PCDHGA4: variants seen among roughly 807,000 people sequenced by gnomAD.
The protein encoded by PCDHGA4 is protocadherin gamma-A4.
A neutral mutation model predicts 54.6 loss-of-function variants in PCDHGA4; 38 were observed. That is an observed-to-expected ratio of 0.70 (90% CI 0.54 to 0.91). The LOEUF (loss-of-function observed/expected upper bound fraction) is 0.91, where lower values mean the gene tolerates loss of function less well. Among genes scored for constraint, PCDHGA4 ranks in the 40% least tolerant of loss-of-function variants. The pLI is 0.00. For synonymous variants in PCDHGA4, 511 were observed against 512.9 expected (o/e 1.00, Z 0.05); for missense variants, 1,298 against 1,220.9 (o/e 1.06, Z -0.94).
chr5:141,387,929 A>C, intron 1 of PCDHGA4: 1 of 1,235,330 alleles, frequency 8.1e-7, no homozygotes, highest in Non-Finnish European at 1.1e-6. Flanking sequence ...AGAGGCTGCC[A>C]GTGCTCTTTC....
At chr5:141,375,185 C>G in intron 1 of PCDHGA4, 1 of 1,613,948 alleles carries the variant, frequency 6.2e-7, no homozygotes, top group Non-Finnish European at 8.5e-7. Context: ...AGTAATCGCC[C>G]TTTTTCAAGT....
At chr5:141,358,557 C>T (rs1760945843) in intron 1 of PCDHGA4, among the ~76,000 whole-genome samples, 1 of 152,182 alleles carries the variant, frequency 6.6e-6, no homozygotes, top group Non-Finnish European at 1.5e-5. Context: ...TTCTGAGATG[C>T]ACCAGAAGTG....
chr5:141,403,241 G>C, intron 1 of PCDHGA4: 1 of 1,613,956 alleles, frequency 6.2e-7, no homozygotes. Flanking sequence ...GGAGCTCTGT[G>C]CTCAGAGCCC....
chr5:141,362,714 C>A, intron 1 of PCDHGA4: 1 of 916,366 alleles, frequency 1.1e-6, no homozygotes, highest in Non-Finnish European at 1.6e-6. Context: ...AGTGTTTTCT[C>A]TCTGAAGTGT....
chr5:141,477,268 C>A lies in PCDHGA4; in HGVS notation c.2515-17539C>A, dbSNP rs2099408532. On this transcript the variant is annotated intron_variant, in intron 1 of 3. Transcript: ENST00000571252. This position sits in a 1 kb window ranked among gnomAD's most constrained non-coding sequence, Gnocchi z 4.9. ...TGACTGACCTGGATGCTGGCGAGAA[C>A]GGGCTGGTGACCTGCGAAGTTCCAC... 1.2e-6 allele frequency: 2 copies of A among 1,614,078 alleles called. No individual in the cohort carries two copies. Among genetic ancestry groups the A allele is most frequent in the Non-Finnish European group, 1.7e-6 (2 of 1,180,038 alleles).
chr5:141,366,456 T>A, intron 1 of PCDHGA4: 1 of 1,614,224 alleles, frequency 6.2e-7, no homozygotes, highest in Non-Finnish European at 8.5e-7. Context: ...GCCTTCGTCA[T>A]CGTGCTGCTG....
chr5:141,503,598 CAAAAAAAAAA>C (rs765754054), intron 2 of PCDHGA4, among the ~76,000 whole-genome samples: 1 of 65,762 alleles, frequency 1.5e-5, no homozygotes. Context: ...GACTCCAGCT[CAAAAAAAAAA>C]AAAAAAGAAA....
chr5:141,489,084 C>A lies in PCDHGA4; in HGVS notation c.2515-5723C>A. On this transcript the variant is annotated intron_variant, in intron 1 of 3. Coordinates refer to ENST00000571252, the MANE Select transcript of PCDHGA4 (RefSeq NM_018917.4). The surrounding 1 kb of genome is among the most constrained non-coding windows in gnomAD (Gnocchi z 4.5). Reference sequence around the variant, plus strand: ...CTCCCCCCTGCCCACCCCCGCCACTCGGTGACTAAGAACTGCTGCAAGCAG... The same window carrying A: ...CTCCCCCCTGCCCACCCCCGCCACTAGGTGACTAAGAACTGCTGCAAGCAG... The A allele has an allele frequency of 9.1e-6, 3 of 329,124 alleles. No homozygotes were observed. The highest frequency in any genetic ancestry group is 1.1e-5 in the Non-Finnish European group (2 of 186,464). The allele number at this position is 329,124 out of a possible 1,614,324, so 20.4% of individuals were successfully genotyped here. A position where few individuals can be genotyped will look rare whatever the true frequency, so the allele number is the denominator to read the frequency against.
At chr5:141,412,935 G>T in intron 1 of PCDHGA4, 1 of 453,864 alleles carries the variant, frequency 2.2e-6, no homozygotes, top group East Asian at 3.4e-5. Flanking sequence ...AACTTCTTAG[G>T]ACTCTGAGCG....
At chr5:141,398,949 C>T (rs749860900) in intron 1 of PCDHGA4, 1 of 1,613,948 alleles carries the variant, frequency 6.2e-7, no homozygotes, top group Non-Finnish European at 8.5e-7. Flanking sequence ...AGGGCATCAA[C>T]TCAGAAATTA....
At chr5:141,376,144 G>T (rs753001081) in intron 1 of PCDHGA4, 1 of 1,613,918 alleles carries the variant, frequency 6.2e-7, no homozygotes, top group Non-Finnish European at 8.5e-7. Flanking sequence ...CCAACGATTC[G>T]GACCTCACTC....
At chr5:141,419,433 T>A (rs1333004780) in intron 1 of PCDHGA4, 6 of 1,613,246 alleles carry the variant, frequency 3.7e-6, no homozygotes, top group Non-Finnish European at 5.1e-6. Flanking sequence ...CACGAGCAGC[T>A]GCGCACCTTC....
At chr5:141,473,205 A>G (rs370808895) in intron 1 of PCDHGA4, among the ~76,000 whole-genome samples, 1 of 152,036 alleles carries the variant, frequency 6.6e-6, no homozygotes, top group African/African-American at 2.4e-5. Flanking sequence ...CTTCTAAAAA[A>G]TGCTTACTTC....
intron 1 of PCDHGA4, chr5:141,395,029 AT>A: frequency 6.2e-7 from 1 of 1,613,976 alleles, no homozygotes. Context: ...CCTGCCTCAC[AT>A]TTTGTGGGTG....
intron 1 of PCDHGA4, chr5:141,362,471 ATCTCG>A: frequency 6.2e-7 from 1 of 1,614,018 alleles, no homozygotes; most frequent in Non-Finnish European, 8.5e-7. Context: ...CCCGCGCAAG[ATCTCG>A]TCTGTGACAA....
At chr5:141,375,673 G>A (rs1467021613) in intron 1 of PCDHGA4, 1 of 1,614,248 alleles carries the variant, frequency 6.2e-7, no homozygotes. Flanking sequence ...ACCTACAGCT[G>A]TGGGTGACAG....
chr5:141,503,401 C>A (rs987421198), intron 2 of PCDHGA4, among the ~76,000 whole-genome samples: 15 of 151,848 alleles, frequency 9.9e-5, no homozygotes, highest in Non-Finnish European at 1.9e-4. Context: ...TCGAAACCAA[C>A]CTGGCCAATA....
At chr5:141,418,185 T>C in intron 1 of PCDHGA4, 1 of 1,614,058 alleles carries the variant, frequency 6.2e-7, no homozygotes, top group Non-Finnish European at 8.5e-7. Flanking sequence ...TTGGAAGCTG[T>C]GGTGGAAAAT....
chr5:141,370,336 G>A, intron 1 of PCDHGA4: 1 of 1,441,770 alleles, frequency 6.9e-7, no homozygotes, highest in Non-Finnish European at 9.4e-7. Flanking sequence ...GAGAACTCTT[G>A]GGATTATTTA....
Sources: gnomAD v4.1 joint callset for allele counts (sites outside exome capture counted in the v4.1 genomes callset) on GRCh38, gnomAD v4.1.1 for gene constraint, Gnocchi (gnomAD v3.1) non-coding constraint, MANE v1.5 for transcripts, NCBI Gene and HGNC (gene_info 2026-07-23, HGNC 2026-07-21) for gene names.